The following INPP5A variants were observed in gnomAD, a reference collection of about 807,000 sequenced individuals.
The protein encoded by INPP5A is 43 kDa inositol polyphosphate 5-phophatase.
Under a neutral mutation model 65.2 loss-of-function variants are expected in INPP5A, and 14 were observed. The observed-to-expected ratio is 0.21, with a 90% CI of 0.14 to 0.34. The LOEUF (loss-of-function observed/expected upper bound fraction) is 0.34. Ranked by LOEUF, INPP5A falls within the 10% of genes least tolerant of loss-of-function variation. The pLI is 1.00. For missense variants in INPP5A, 431 were observed against 545.6 expected (o/e 0.79, Z 2.09); for synonymous variants, 207 against 208.3 (o/e 0.99, Z 0.05).
At chr10:132,582,242 A>G (rs1207399312) in intron 1 of INPP5A, among the ~76,000 whole-genome samples, 1 of 152,184 alleles carries the variant, frequency 6.6e-6, no homozygotes, top group Non-Finnish European at 1.5e-5. Flanking sequence ...CTGCCAGGCC[A>G]TGAAGACCTT....
chr10:132,769,410 A>G (rs1213755962), intron 12 of INPP5A, among the ~76,000 whole-genome samples: 1 of 152,212 alleles, frequency 6.6e-6, no homozygotes, highest in African/African-American at 2.4e-5. Flanking sequence ...CTGCCTCTGC[A>G]TAAGGAACTC....
In INPP5A at chr10:132,551,852, G is replaced by A. The variant is rs971375984; in HGVS notation, c.75+13681G>A. 6.6e-6 allele frequency among the ~76,000 whole-genome samples: 1 copy of A among 152,216 alleles called. No homozygotes were observed. Among genetic ancestry groups the A allele is most frequent in the African/African-American group, 2.4e-5 (1 of 41,442 alleles). Reference sequence around the variant, plus strand: ...GTCTTCTCTGAATAGTCGGCTGCACGATTAAACTGGGTTCTGCTCGGGGAG... The same window carrying A: ...GTCTTCTCTGAATAGTCGGCTGCACAATTAAACTGGGTTCTGCTCGGGGAG... On this transcript the variant is annotated intron_variant, in intron 1 of 15. Transcript: ENST00000368594. The surrounding 1 kb of genome is among the most constrained non-coding windows in gnomAD (Gnocchi z 5.3).
At chr10:132,589,756 C>A (rs2071593626) in intron 1 of INPP5A, among the ~76,000 whole-genome samples, 1 of 152,256 alleles carries the variant, frequency 6.6e-6, no homozygotes, top group African/African-American at 2.4e-5. Flanking sequence ...AGCAGACAGA[C>A]CAGAGGTGGC....
At chr10:132,542,848 G>T (rs2070923918) in intron 1 of INPP5A, among the ~76,000 whole-genome samples, 1 of 152,196 alleles carries the variant, frequency 6.6e-6, no homozygotes, top group Non-Finnish European at 1.5e-5. Flanking sequence ...CTGTCACCCA[G>T]GCTGGAGTGC....
chr10:132,667,937 G>T (rs1255807930), intron 4 of INPP5A, among the ~76,000 whole-genome samples: 1 of 152,184 alleles, frequency 6.6e-6, no homozygotes, highest in Admixed American at 6.5e-5. Context: ...ATTCTCCAGT[G>T]ATTCATCCGC....
chr10:132,549,090 G>C lies in INPP5A; in HGVS notation c.75+10919G>C, dbSNP rs2071018507. ...TGACAGGTGTGAGCCACTGCGCCTGGGCTTGTCTTCCCTGTTTCATGGCTG... is the reference window on the plus strand; with the variant it reads ...TGACAGGTGTGAGCCACTGCGCCTGCGCTTGTCTTCCCTGTTTCATGGCTG... On this transcript the variant is annotated intron_variant, in intron 1 of 15. Coordinates refer to ENST00000368594, the MANE Select transcript of INPP5A (RefSeq NM_005539.5). The surrounding 1 kb of genome is among the most constrained non-coding windows in gnomAD (Gnocchi z 4.9). Among the ~76,000 whole-genome samples the C allele has an allele frequency of 6.6e-6, 1 of 152,150 alleles. No homozygotes were observed. Among genetic ancestry groups the C allele is most frequent in the Non-Finnish European group, 1.5e-5 (1 of 68,028 alleles).
chr10:132,563,862 C>T lies in INPP5A; in HGVS notation c.75+25691C>T, dbSNP rs2071238249. ...GCCGCCTGTAGTGGGGGCCGGTTGC[C>T]AGGGAGGCGTATTCACTTCCATGGT... On this transcript the variant is annotated intron_variant, in intron 1 of 15. Transcript: ENST00000368594. Among the ~76,000 whole-genome samples, 3 of 152,312 alleles carry T rather than the reference C, an allele frequency of 2.0e-5. No individual in the cohort carries two copies. In the South Asian group the frequency reaches 6.2e-4, roughly 32 times the overall value.
At chr10:132,679,124 G>A (rs574729589) in intron 4 of INPP5A, among the ~76,000 whole-genome samples, 51 of 152,336 alleles carry the variant, frequency 3.3e-4, no homozygotes, top group South Asian at 1.5e-3. Context: ...TACAGCTGTG[G>A]AGGAGGCGGG....
rs2072474193 is a variant in INPP5A at position 132,644,981 on chromosome 10, G to A, written c.118-887G>A. ...TAGACGGGGACCTGGAAGGAGGGGA[G>A]GCCATGTCGATACTGCATCCGCTCT... On this transcript the variant is annotated intron_variant, in intron 2 of 15. Transcript: ENST00000368594. This position sits in a 1 kb window ranked among gnomAD's most constrained non-coding sequence, Gnocchi z 6.5. Among the ~76,000 whole-genome samples, 1 of 152,160 alleles carries A rather than the reference G, an allele frequency of 6.6e-6. No homozygotes were observed. The highest frequency in any genetic ancestry group is 2.1e-4 in the South Asian group (1 of 4,828).
chr10:132,590,668 G>A lies in INPP5A; in HGVS notation c.76-17247G>A, dbSNP rs1399732513. ...GTTGCTTCCAGACAGCCTCGGTAGC[G>A]TTGAGTCCCCTCTTCCTCTTCCTGG... On this transcript the variant is annotated intron_variant, in intron 1 of 15. Transcript: ENST00000368594. 3.3e-5 allele frequency among the ~76,000 whole-genome samples: 5 copies of A among 152,330 alleles called. No individual in the cohort carries two copies. In the East Asian group the frequency reaches 5.8e-4, roughly 18 times the overall value.
rs893965072 is a variant in INPP5A at position 132,759,200 on chromosome 10, T to C, written c.904-6573T>C. Among the ~76,000 whole-genome samples, 5 of 152,266 alleles carry C rather than the reference T, an allele frequency of 3.3e-5. No individual in the cohort carries two copies. In the East Asian group the frequency reaches 9.7e-4, roughly 29 times the overall value. ...GCTCAGAGCCCCCAGGGACCAACAG[T>C]GTCCTTAGGGGGACAGGAAGTCCCC... On this transcript the variant is annotated intron_variant, in intron 11 of 15. Transcript: ENST00000368594.
rs1266963641 is a variant in INPP5A, at chr10:132,560,069, A to G, written c.75+21898A>G. Among the ~76,000 whole-genome samples the G allele has an allele frequency of 2.1e-5, 3 of 143,212 alleles. No individual in the cohort carries two copies. In the Admixed American group the frequency reaches 2.2e-4, roughly 10 times the overall value. The allele number at this position is 143,212 out of a possible 152,430, so 94.0% of individuals were successfully genotyped here. On this transcript the variant is annotated intron_variant, in intron 1 of 15. Transcript: ENST00000368594. ...GTGTCTCCAGCTCTTTCGGGTGTAGACCTGCTTGTGGAATTGCTGGGTCAC... is the reference window on the plus strand; with the variant it reads ...GTGTCTCCAGCTCTTTCGGGTGTAGGCCTGCTTGTGGAATTGCTGGGTCAC...
At chr10:132,745,809 G>A (rs187230811) in intron 9 of INPP5A, among the ~76,000 whole-genome samples, 11 of 147,308 alleles carry the variant, frequency 7.5e-5, no homozygotes, top group African/African-American at 2.5e-4. Flanking sequence ...GGCCTCGGGT[G>A]TGGTGGCCCT....
intron 2 of INPP5A, among the ~76,000 whole-genome samples, chr10:132,625,177 C>T (rs571061216): frequency 4.0e-4 from 59 of 147,444 alleles, no homozygotes; most frequent in Admixed American, 3.8e-3. Context: ...CATCTCAGGA[C>T]CTCGCACAGG....
chr10:132,564,631 G>T (rs939155145), intron 1 of INPP5A, among the ~76,000 whole-genome samples: 1 of 152,196 alleles, frequency 6.6e-6, no homozygotes. Context: ...ATTTTAACTG[G>T]ATGAAAATTT....
At position 132,775,562 on chromosome 10, in the gene INPP5A, G is replaced by A. The variant is rs574107514; in HGVS notation, c.978-2109G>A. ...CTCCCTGGGTGTTGGGGGCCACAGG[G>A]AGCACCCCTGGCTGTGGATTAAGGG... On this transcript the variant is annotated intron_variant, in intron 12 of 15. Coordinates refer to ENST00000368594, the MANE Select transcript of INPP5A (RefSeq NM_005539.5). 1.8e-3 allele frequency among the ~76,000 whole-genome samples: 278 copies of A among 152,234 alleles called. 3 individuals are homozygous for A. Among genetic ancestry groups the A allele is most frequent in the African/African-American group, 5.9e-3 (246 of 41,512 alleles).
chr10:132,714,685 C>T (rs1230076649), intron 8 of INPP5A, among the ~76,000 whole-genome samples: 1 of 151,852 alleles, frequency 6.6e-6, no homozygotes, highest in African/African-American at 2.4e-5. Flanking sequence ...CGCACCGTTG[C>T]TCTAAACCTA....
At chr10:132,593,603 G>T (rs1182719070) in intron 1 of INPP5A, among the ~76,000 whole-genome samples, 1 of 152,174 alleles carries the variant, frequency 6.6e-6, no homozygotes, top group East Asian at 1.9e-4. Flanking sequence ...CTGGGGTCGG[G>T]GGGTAGTCCC....
chr10:132,762,346 T>C lies in INPP5A; in HGVS notation c.904-3427T>C, dbSNP rs183653664. Among the ~76,000 whole-genome samples the C allele has an allele frequency of 2.0e-5, 3 of 152,306 alleles. No homozygotes were observed. The highest frequency in any genetic ancestry group is 4.4e-5 in the Non-Finnish European group (3 of 68,032). On this transcript the variant is annotated intron_variant, in intron 11 of 15. Transcript: ENST00000368594. The surrounding 1 kb of genome is among the most constrained non-coding windows in gnomAD (Gnocchi z 4.6). Reference sequence around the variant, plus strand: ...AACATCAAAGACGAAGAGAATATTTTTGAAGCATTGTGGGAAAAATGTCCT... The same window carrying C: ...AACATCAAAGACGAAGAGAATATTTCTGAAGCATTGTGGGAAAAATGTCCT...
Sources: allele counts gnomAD v4.1 joint callset (sites outside exome capture counted in the v4.1 genomes callset), GRCh38; gene constraint gnomAD v4.1.1; non-coding constraint Gnocchi (gnomAD v3.1); transcripts MANE v1.5; gene names NCBI Gene and HGNC (gene_info 2026-07-23, HGNC 2026-07-21).